Variants in PRKN observed in about 807,000 individuals in gnomAD.
The protein encoded by PRKN is parkin RBR E3 ubiquitin protein ligase.
Under a neutral mutation model 59.5 loss-of-function variants are expected in PRKN, and 56 were observed. The observed-to-expected ratio is 0.94, with a 90% CI of 0.76 to 1.18. The LOEUF is 1.18. Ranked by LOEUF, PRKN falls within the 50% of genes most tolerant of loss-of-function variation. The pLI is 0.00. For synonymous variants in PRKN, 250 were observed against 222.1 expected (o/e 1.13, Z -1.12); for missense variants, 657 against 596.4 (o/e 1.10, Z -1.06).
intron 6 of PRKN, among the ~76,000 whole-genome samples, chr6:161,931,187 G>A (rs1779158653): frequency 6.6e-6 from 1 of 152,200 alleles, no homozygotes; most frequent in Non-Finnish European, 1.5e-5. Context: ...TGTAATCCCA[G>A]CACTTTGGGA....
intron 1 of PRKN, among the ~76,000 whole-genome samples, chr6:162,508,002 T>C (rs866029759): frequency 2.0e-5 from 3 of 152,206 alleles, no homozygotes; most frequent in Non-Finnish European, 4.4e-5. Flanking sequence ...TATTAGTCAA[T>C]TTTCATGCTG....
chr6:161,989,958 G>T (rs1353737595), intron 5 of PRKN, among the ~76,000 whole-genome samples: 1 of 152,096 alleles, frequency 6.6e-6, no homozygotes, highest in South Asian at 2.1e-4. Context: ...GCACTGGCTT[G>T]CTTACCCTGC....
rs60181263 is a variant in PRKN at position 162,149,746 on chromosome 6, C to A, written c.534+51385G>T. ...TAACCCGATCCTTGGGCTAGGAATG[C>A]GCAACTGTCTAGTGCCATGGTGAGG... On this transcript the variant is annotated intron_variant, in intron 4 of 11. Transcript: ENST00000366898. Among the ~76,000 whole-genome samples, 341 of 152,142 alleles carry A rather than the reference C, an allele frequency of 2.2e-3. 1 individual carries two copies. Among genetic ancestry groups the A allele is most frequent in the African/African-American group, 8.0e-3 (333 of 41,502 alleles).
chr6:161,664,923 G>T (rs1784673652), intron 7 of PRKN, among the ~76,000 whole-genome samples: 1 of 151,604 alleles, frequency 6.6e-6, no homozygotes. Flanking sequence ...CGAGTAGCTG[G>T]GATTACAGGT....
intron 1 of PRKN, among the ~76,000 whole-genome samples, chr6:162,665,888 C>T (rs1257126112): frequency 6.6e-6 from 1 of 152,074 alleles, no homozygotes; most frequent in African/African-American, 2.4e-5. Flanking sequence ...ACATCTATAA[C>T]CATCTGATCT....
intron 4 of PRKN, among the ~76,000 whole-genome samples, chr6:162,061,258 A>G (rs777069324): frequency 2.0e-5 from 3 of 152,230 alleles, no homozygotes; most frequent in Non-Finnish European, 4.4e-5. Context: ...ACACAAATAC[A>G]AACAACACTG....
At position 161,473,251 on chromosome 6, in the gene PRKN, G is replaced by A. The variant is rs1315629187; in HGVS notation, c.1083+75603C>T. 4.0e-5 allele frequency among the ~76,000 whole-genome samples: 6 copies of A among 151,766 alleles called. No homozygotes were observed. Among genetic ancestry groups the A allele is most frequent in the Admixed American group, 3.3e-4 (5 of 15,210 alleles). ...CAAGATATGCAAACAACCTAAGTAA[G>A]CATCAAAGGATGAATGGATAAAGAA... On this transcript the variant is annotated intron_variant, in intron 9 of 11. Coordinates refer to ENST00000366898, the MANE Select transcript of PRKN (RefSeq NM_004562.3). This position sits in a 1 kb window ranked among gnomAD's most constrained non-coding sequence, Gnocchi z 4.1.
chr6:162,474,528 G>A (rs891227635), intron 1 of PRKN, among the ~76,000 whole-genome samples: 8 of 152,106 alleles, frequency 5.3e-5, no homozygotes, highest in African/African-American at 1.9e-4. Flanking sequence ...CAGGAAAGTT[G>A]TTGTAAAAGG....
At chr6:162,094,358 T>A (rs1000284833) in intron 4 of PRKN, among the ~76,000 whole-genome samples, 1 of 151,966 alleles carries the variant, frequency 6.6e-6, no homozygotes, top group East Asian at 1.9e-4. Context: ...GTGGCACGCA[T>A]CTGTGGTCTC....
At chr6:162,606,547 T>G (rs1411579744) in intron 1 of PRKN, among the ~76,000 whole-genome samples, 1 of 152,210 alleles carries the variant, frequency 6.6e-6, no homozygotes, top group Non-Finnish European at 1.5e-5. Context: ...AGCCAGGGAC[T>G]GTCTGTAGTT....
chr6:161,589,761 T>C (rs1781648663), intron 7 of PRKN, among the ~76,000 whole-genome samples: 1 of 150,878 alleles, frequency 6.6e-6, no homozygotes, highest in Non-Finnish European at 1.5e-5. Flanking sequence ...ATACAATGAA[T>C]TGAAAAGGAT....
rs1265446220 is a variant in PRKN, at chr6:161,551,391, T to C, written c.934-2388A>G. Among the ~76,000 whole-genome samples the C allele has an allele frequency of 6.6e-6, 1 of 152,164 alleles. No homozygotes were observed. On this transcript the variant is annotated intron_variant, in intron 8 of 11. Transcript: ENST00000366898. The surrounding 1 kb of genome is among the most constrained non-coding windows in gnomAD (Gnocchi z 5.2). ...CGACACTAGGTTAGATCTATGACAC[T>C]CTGACCATGTTATGAGGTCAGATGT...
chr6:161,669,839 T>C (rs559734402), intron 7 of PRKN, among the ~76,000 whole-genome samples: 1 of 152,348 alleles, frequency 6.6e-6, no homozygotes, highest in Non-Finnish European at 1.5e-5. Flanking sequence ...CGTTTCACCA[T>C]CCAGGTAACT....
chr6:161,754,631 C>A (rs1185682065), intron 7 of PRKN, among the ~76,000 whole-genome samples: 1 of 152,128 alleles, frequency 6.6e-6, no homozygotes, highest in Non-Finnish European at 1.5e-5. Context: ...AGGTCACAGG[C>A]CCTGCAGGTG....
chr6:161,910,217 C>T (rs529227128), intron 6 of PRKN, among the ~76,000 whole-genome samples: 1 of 152,196 alleles, frequency 6.6e-6, no homozygotes, highest in East Asian at 1.9e-4. Flanking sequence ...AGGGAAGATG[C>T]CGTGAACATT....
chr6:162,572,878 T>G (rs1780401205), intron 1 of PRKN, among the ~76,000 whole-genome samples: 1 of 143,870 alleles, frequency 7.0e-6, no homozygotes, highest in Admixed American at 7.0e-5. Flanking sequence ...CAAAACCCCC[T>G]GGGGCTCTTC....
At chr6:162,027,971 C>A (rs1453381557) in intron 5 of PRKN, among the ~76,000 whole-genome samples, 2 of 151,466 alleles carry the variant, frequency 1.3e-5, no homozygotes, top group Non-Finnish European at 2.9e-5. Flanking sequence ...CCATAATTTC[C>A]CATATTGCCA....
At chr6:162,289,687 CA>C (rs376838845) in intron 2 of PRKN, among the ~76,000 whole-genome samples, 98 of 141,720 alleles carry the variant, frequency 6.9e-4, no homozygotes, top group Non-Finnish European at 6.9e-4. Flanking sequence ...GACACTGTCT[CA>C]AAAAAAAAAA....
At chr6:162,566,436 A>G (rs1409693604) in intron 1 of PRKN, among the ~76,000 whole-genome samples, 1 of 152,164 alleles carries the variant, frequency 6.6e-6, no homozygotes, top group Non-Finnish European at 1.5e-5. Flanking sequence ...AAAACCATAA[A>G]TGAAAAACGA....
Sources: allele counts gnomAD v4.1 joint callset (sites outside exome capture counted in the v4.1 genomes callset), GRCh38; gene constraint gnomAD v4.1.1; non-coding constraint Gnocchi (gnomAD v3.1); transcripts MANE v1.5; gene names NCBI Gene and HGNC (gene_info 2026-07-23, HGNC 2026-07-21).